The following FRYL variants were observed in gnomAD, a reference collection of about 807,000 sequenced individuals.
The protein encoded by FRYL is protein furry homolog-like.
Under a neutral mutation model 351.2 loss-of-function variants are expected in FRYL, and 150 were observed. That is an observed-to-expected ratio of 0.43 (90% confidence interval 0.37 to 0.49). FRYL has a LOEUF of 0.49. Among genes scored for constraint, FRYL ranks in the 20% least tolerant of loss-of-function variants. FRYL has a pLI of 0.00. For synonymous variants in FRYL, 1,153 were observed against 1,257.1 expected, an observed-to-expected ratio of 0.92 and a Z score of 1.75; for missense variants, 3,036 against 3,619.3, an observed-to-expected ratio of 0.84 and a Z score of 4.13.
intron 3 of FRYL, 116 bp from the exon 4 acceptor site, chr4:48,634,606 T>G: frequency 1.6e-6 from 1 of 634,296 alleles, no homozygotes; most frequent in Non-Finnish European, 2.7e-6. Flanking sequence ...TCTCCCAATC[T>G]CCTCTACCAT....
chr4:48,542,040 AAAG>A lies in FRYL; in HGVS notation c.5671_5673del (p.Leu1891del), dbSNP rs771205262. 9.3e-6 allele frequency: 15 copies of A among 1,611,978 alleles called. No homozygotes were observed. The African/African-American group carries it at 1.3e-4, about 14-fold the overall frequency. On this transcript the variant is annotated inframe_deletion, in exon 45 of 64. Transcript: ENST00000358350. ...TTAAATTCTTACTGAGAAAGGGCAGAAAGAAGATCATAATGCTTCATGGTTTCA... is the reference window on the plus strand; with the variant it reads ...TTAAATTCTTACTGAGAAAGGGCAGAAAGATCATAATGCTTCATGGTTTCA...
At chr4:48,528,366 C>T (rs762087119) in intron 50 of FRYL, 30 bp from the exon 51 acceptor site, 1 of 1,557,070 alleles carries the variant, frequency 6.4e-7, no homozygotes, top group Non-Finnish European at 8.7e-7. Context: ...CAGTGTTTGG[C>T]TCAAATATTT....
At chr4:48,512,330 G>A (rs748962503) in intron 57 of FRYL, 151 bp downstream of exon 57, 1 of 598,500 alleles carries the variant, frequency 1.7e-6, no homozygotes, top group Non-Finnish European at 3.0e-6. Context: ...CAATGTCACA[G>A]TGTCAATGTA....
At chr4:48,590,592 G>T in intron 17 of FRYL, 67 bp downstream of exon 17, 1 of 1,179,958 alleles carries the variant, frequency 8.5e-7, no homozygotes, top group Non-Finnish European at 1.2e-6. Context: ...TTTTATATTT[G>T]ATCAGACTTT....
chr4:48,606,172 C>A (rs1746779045), intron 10 of FRYL, among the ~76,000 whole-genome samples: 1 of 150,796 alleles, frequency 6.6e-6, no homozygotes, highest in Non-Finnish European at 1.5e-5. Flanking sequence ...ACTCGGGTGC[C>A]TGAGGCAGGA....
At chr4:48,615,603 C>T (rs1234179176) in intron 7 of FRYL, among the ~76,000 whole-genome samples, 1 of 152,152 alleles carries the variant, frequency 6.6e-6, no homozygotes, top group Non-Finnish European at 1.5e-5. Flanking sequence ...TTGGGCATTA[C>T]CCCAAATTTA....
intron 2 of FRYL, among the ~76,000 whole-genome samples, chr4:48,690,738 AG>A (rs1431402567): frequency 6.6e-6 from 1 of 152,154 alleles, no homozygotes; most frequent in African/African-American, 2.4e-5. Flanking sequence ...TTATATGTAT[AG>A]TTTTTTTAAT....
rs777412854 is a variant in FRYL at position 48,586,645 on chromosome 4, G to C, written c.1724C>G (p.Thr575Ser). The change falls in exon 19 of 64, where the codon ACT becomes AGT. Residue 575 changes from threonine to serine, a missense_variant. By Grantham distance (58) the Thr-to-Ser change is moderately conservative. Transcript: ENST00000358350. ...PRLIPDGMSR[T>S]DLIELLARLT... ...CCTTGCTAACAATTCAATCAGGTCA[G>C]TTCTGCTCATACCGTCAGGAATCAA... The C allele has an allele frequency of 6.8e-6, 11 of 1,611,416 alleles. No homozygotes were observed. The South Asian group carries it at 1.1e-4, about 16-fold the overall frequency.
chr4:48,643,424 C>A (rs907579350), intron 3 of FRYL, among the ~76,000 whole-genome samples: 2 of 152,144 alleles, frequency 1.3e-5, no homozygotes, highest in African/African-American at 4.8e-5. Flanking sequence ...CGGTAGCAGT[C>A]TGACCTACAC....
chr4:48,608,236 A>C (rs1747283654), intron 9 of FRYL, among the ~76,000 whole-genome samples: 1 of 152,204 alleles, frequency 6.6e-6, no homozygotes, highest in Admixed American at 6.5e-5. Context: ...TTAAAATGCA[A>C]ACTACTTAAA....
intron 3 of FRYL, among the ~76,000 whole-genome samples, chr4:48,655,689 T>A (rs977672244): frequency 6.8e-6 from 1 of 147,066 alleles, no homozygotes; most frequent in Admixed American, 6.9e-5. Flanking sequence ...ATATAATGTA[T>A]ATATTATATA....
At chr4:48,702,505 G>A (rs1261209426) in intron 2 of FRYL, among the ~76,000 whole-genome samples, 1 of 139,948 alleles carries the variant, frequency 7.1e-6, no homozygotes, top group Non-Finnish European at 1.5e-5. Context: ...GCTGGGCGCG[G>A]TGGCTCACGC....
intron 29 of FRYL, 86 bp downstream of exon 29, chr4:48,565,445 C>A: frequency 7.1e-6 from 7 of 991,248 alleles, no homozygotes; most frequent in Middle Eastern, 6.5e-4. Flanking sequence ...ACTCTCAGAT[C>A]CTCTTTTTAA....
chr4:48,511,044 T>A lies in FRYL; in HGVS notation c.8146-60A>T, dbSNP rs1722365384. The stretch of plus-strand genomic sequence containing the variant: ...TCATAAGAAGGCCTTTTTTCATCTT[T>A]AAGTAAAGAAGCATAATAGGGTAGA... On this transcript the variant is annotated intron_variant, in intron 57 of 63. Transcript: ENST00000358350. 4 of 1,174,118 alleles carry A rather than the reference T, an allele frequency of 3.4e-6. No homozygotes were observed. The East Asian group carries it at 9.5e-5, about 28-fold the overall frequency. The allele number at this position is 1,174,118 out of a possible 1,614,324, so 72.7% of individuals were successfully genotyped here.
intron 35 of FRYL, among the ~76,000 whole-genome samples, chr4:48,553,736 G>C (rs1373045101): frequency 1.3e-5 from 2 of 151,464 alleles, no homozygotes; most frequent in Non-Finnish European, 1.5e-5. Flanking sequence ...AACATCCTAA[G>C]ATTTTCCTCT....
At position 48,530,490 on chromosome 4, in the gene FRYL, C is replaced by T. The variant is rs112317866; in HGVS notation, c.6903+666G>A. 6.2e-3 allele frequency among the ~76,000 whole-genome samples: 948 copies of T among 152,206 alleles called. 12 individuals carry two copies. Among genetic ancestry groups the T allele is most frequent in the African/African-American group, 0.021 (875 of 41,534 alleles). On this transcript the variant is annotated intron_variant, in intron 50 of 63. Coordinates refer to ENST00000358350, the MANE Select transcript of FRYL (RefSeq NM_015030.2). ...TCCTCCTAAAATGCAAACCCTAATACGCCAACTAAAAATCCTTTAAGAGCT... is the reference window on the plus strand; with the variant it reads ...TCCTCCTAAAATGCAAACCCTAATATGCCAACTAAAAATCCTTTAAGAGCT...
chr4:48,522,029 C>A (rs1420596679), intron 54 of FRYL, among the ~76,000 whole-genome samples: 1 of 152,040 alleles, frequency 6.6e-6, no homozygotes, highest in African/African-American at 2.4e-5. Context: ...TGTGATCCTG[C>A]CACTTTGGGA....
intron 3 of FRYL, among the ~76,000 whole-genome samples, chr4:48,648,274 T>C (rs1756941601): frequency 6.6e-6 from 1 of 152,132 alleles, no homozygotes; most frequent in Admixed American, 6.6e-5. Context: ...TACCTATTTA[T>C]TTTAGGATTA....
intron 1 of FRYL, among the ~76,000 whole-genome samples, chr4:48,731,967 A>C (rs915867410): frequency 2.0e-5 from 3 of 152,250 alleles, no homozygotes; most frequent in African/African-American, 7.2e-5. Context: ...ACAGCAAAAG[A>C]AACTATCATC....
Sources: allele counts gnomAD v4.1 joint callset (sites outside exome capture counted in the v4.1 genomes callset), GRCh38; gene constraint gnomAD v4.1.1; transcripts MANE v1.5; gene names NCBI Gene and HGNC (gene_info 2026-07-23, HGNC 2026-07-21).